The following KATNIP variants were observed in gnomAD, a reference collection of about 807,000 sequenced individuals.
The protein encoded by KATNIP is katanin-interacting protein.
In KATNIP, 126 loss-of-function variants were observed where a neutral mutation model predicts 174.0. The observed-to-expected ratio is 0.72, with a 90% CI of 0.63 to 0.84. KATNIP has a LOEUF of 0.84. KATNIP is among the 40% of genes least tolerant of loss of function. The pLI is 0.00. For synonymous variants in KATNIP, 810 were observed against 835.7 expected, an observed-to-expected ratio of 0.97 and a Z score of 0.53; for missense variants, 1,958 against 2,109.7, an observed-to-expected ratio of 0.93 and a Z score of 1.41.
chr16:27,626,154 G>T (rs2076327187), intron 3 of KATNIP, among the ~76,000 whole-genome samples: 1 of 152,024 alleles, frequency 6.6e-6, no homozygotes. Flanking sequence ...CTGTGCTCTG[G>T]CCTCTGTATC....
intron 20 of KATNIP, among the ~76,000 whole-genome samples, chr16:27,767,148 C>T (rs2082153913): frequency 6.6e-6 from 1 of 152,070 alleles, no homozygotes; most frequent in South Asian, 2.1e-4. Context: ...AATGAGGCCA[C>T]CGAAAGGTAG....
At chr16:27,631,360 T>G (rs1371901688) in intron 5 of KATNIP, 198 bp downstream of exon 5, 1 of 544,408 alleles carries the variant, frequency 1.8e-6, no homozygotes. Flanking sequence ...GGCAACAAAG[T>G]GAGACTTCAT....
intron 2 of KATNIP, among the ~76,000 whole-genome samples, chr16:27,609,001 T>C (rs1167213119): frequency 6.6e-6 from 1 of 152,130 alleles, no homozygotes. Context: ...TCCATGAACA[T>C]TTCATGTTTC....
At chr16:27,762,947 C>T (rs915161643) in intron 19 of KATNIP, among the ~76,000 whole-genome samples, 1 of 152,224 alleles carries the variant, frequency 6.6e-6, no homozygotes, top group Non-Finnish European at 1.5e-5. Context: ...ATAGCATTTC[C>T]TCTGTCAGTA....
intron 17 of KATNIP, among the ~76,000 whole-genome samples, chr16:27,752,509 C>T (rs754902765): frequency 2.6e-5 from 4 of 152,192 alleles, no homozygotes; most frequent in African/African-American, 4.8e-5. Flanking sequence ...AACTTGAATG[C>T]GTGATTCCAC....
intron 1 of KATNIP, among the ~76,000 whole-genome samples, chr16:27,568,466 A>G (rs777407618): frequency 2.6e-5 from 4 of 151,838 alleles, no homozygotes; most frequent in African/African-American, 4.8e-5. Flanking sequence ...CCCGGGAATA[A>G]GAAATAAGTT....
At chr16:27,560,197 G>A (rs1176805541) in intron 1 of KATNIP, among the ~76,000 whole-genome samples, 2 of 142,476 alleles carry the variant, frequency 1.4e-5, no homozygotes, top group African/African-American at 2.6e-5. Flanking sequence ...CAGGAGAATC[G>A]CTTGAACCTG....
chr16:27,694,394 A>C (rs1436664605), intron 8 of KATNIP, among the ~76,000 whole-genome samples: 2 of 152,232 alleles, frequency 1.3e-5, no homozygotes, highest in Non-Finnish European at 1.5e-5. Context: ...AAGTATACAT[A>C]GATCCCCCAA....
chr16:27,603,818 C>T (rs1202936661), intron 2 of KATNIP, among the ~76,000 whole-genome samples: 2 of 151,850 alleles, frequency 1.3e-5, no homozygotes, highest in Non-Finnish European at 2.9e-5. Context: ...CTCACTGCAA[C>T]CTCTGCCTCC....
chr16:27,766,293 G>A lies in KATNIP; in HGVS notation c.3810-16G>A, dbSNP rs200407692. 2.9e-5 allele frequency: 47 copies of A among 1,613,330 alleles called. No homozygotes were observed. Among genetic ancestry groups the A allele is most frequent in the South Asian group, 5.5e-5 (5 of 91,044 alleles). On this transcript the variant is annotated splice_polypyrimidine_tract_variant and intron_variant, in intron 19 of 27. Transcript: ENST00000261588. ...CACTGAGCCGCCCCCCTGCCGCTCCGTCCCCATTGCTGCAGGTTAATTGAT... is the reference window on the plus strand; with the variant it reads ...CACTGAGCCGCCCCCCTGCCGCTCCATCCCCATTGCTGCAGGTTAATTGAT...
Position 27,587,159 on chromosome 16 carries a change from C to T in KATNIP, c.63+13203C>T, listed in dbSNP as rs561052903. On this transcript the variant is annotated intron_variant, in intron 2 of 27. Transcript: ENST00000261588. ...CAGTTTCCTCAGCTGCAGAATGGAG[C>T]TGAAAATAGAGTACCTCCTCCTGGA... 2.3e-4 allele frequency among the ~76,000 whole-genome samples: 35 copies of T among 152,208 alleles called. No homozygotes were observed. In the South Asian group the frequency reaches 2.5e-3, roughly 11 times the overall value.
rs1243952938 is a variant in KATNIP, at chr16:27,740,156, A to T, written c.1859A>T (p.Asp620Val). ...CCAGCTGACCACAGCATCCTGGTTG[A>T]CCAGAAGAACGAGAAGAGCGAGCAA... ...EAPADHSILVDQKNEKSEQLE... is the reference protein window; with the variant it reads ...EAPADHSILVVQKNEKSEQLE... The change falls in exon 15 of 28, where the codon GAC becomes GTC. Residue 620 changes from aspartate to valine, a missense_variant. Physicochemically the swap from Asp to Val is radical, Grantham distance 152 (BLOSUM62 -3). Around this residue, in one of 3 missense-constraint regions of KATNIP, gnomAD observed 1,557 missense variants for 1,617.8 expected, o/e 0.96. Transcript: ENST00000261588. The T allele has an allele frequency of 1.2e-6, 2 of 1,614,180 alleles. No homozygotes were observed. The highest frequency in any genetic ancestry group is 2.7e-5 in the African/African-American group (2 of 75,062).
rs1232700411 is a variant in KATNIP at position 27,681,449 on chromosome 16, GT to G, written c.863del (p.Phe288SerfsTer10). 1 of 1,614,200 alleles carries G rather than the reference GT, an allele frequency of 6.2e-7. No individual in the cohort carries two copies. On this transcript the variant is annotated frameshift_variant, in exon 8 of 28. Coordinates refer to ENST00000261588, the MANE Select transcript of KATNIP (RefSeq NM_015202.5). LOFTEE classifies it high-confidence loss of function. ...LSAKRKDNAE[V>X]FVPTKPEPNL... The stretch of plus-strand genomic sequence containing the variant: ...TGCAAAGCGGAAGGACAATGCTGAG[GT>G]TTTCGTTCCCACCAAACCTGAGCCA...
At chr16:27,701,114 A>G (rs1256852525) in intron 10 of KATNIP, among the ~76,000 whole-genome samples, 1 of 152,192 alleles carries the variant, frequency 6.6e-6, no homozygotes, top group Admixed American at 6.5e-5. Context: ...CTTACTTTGT[A>G]CAAAGCAGAA....
chr16:27,606,965 G>A (rs921229208), intron 2 of KATNIP, among the ~76,000 whole-genome samples: 2 of 152,092 alleles, frequency 1.3e-5, no homozygotes, highest in African/African-American at 4.8e-5. Context: ...AAGAAATGAC[G>A]TCTTCCTCCC....
chr16:27,657,296 G>C (rs941195844), intron 6 of KATNIP, among the ~76,000 whole-genome samples: 1 of 152,110 alleles, frequency 6.6e-6, no homozygotes, highest in African/African-American at 2.4e-5. Flanking sequence ...GTGAATATAC[G>C]TGAAGGGTAT....
At chr16:27,558,040 C>G (rs1356806155) in intron 1 of KATNIP, among the ~76,000 whole-genome samples, 3 of 152,190 alleles carry the variant, frequency 2.0e-5, no homozygotes, top group Admixed American at 6.5e-5. Flanking sequence ...CACTCCTAGG[C>G]CTGTCAGCAT....
chr16:27,713,854 A>ATCTATC (rs1400112435), intron 13 of KATNIP, among the ~76,000 whole-genome samples: 24 of 69,332 alleles, frequency 3.5e-4, no homozygotes, highest in South Asian at 4.5e-4. Flanking sequence ...ATATATATAT[A>ATCTATC]TATCTATCTC....
Position 27,627,511 on chromosome 16 carries a change from G to C in KATNIP, c.141-1150G>C, listed in dbSNP as rs145662815. Reference sequence around the variant, plus strand: ...ACATACACAAGGTTCTGTGTTGATTGGTTCATGAAAATGTGAACAAAGACT... The same window carrying C: ...ACATACACAAGGTTCTGTGTTGATTCGTTCATGAAAATGTGAACAAAGACT... On this transcript the variant is annotated intron_variant, in intron 3 of 27. Transcript: ENST00000261588. Among the ~76,000 whole-genome samples the C allele has an allele frequency of 6.1e-4, 93 of 152,268 alleles. 3 individuals carry two copies. The East Asian group carries it at 0.017, about 27-fold the overall frequency.
Sources: allele counts gnomAD v4.1 joint callset (sites outside exome capture counted in the v4.1 genomes callset), GRCh38; gene constraint gnomAD v4.1.1; regional missense constraint gnomAD v4.1.1; transcripts MANE v1.5; gene names NCBI Gene and HGNC (gene_info 2026-07-23, HGNC 2026-07-21).